Variants in DCP1B observed in about 807,000 individuals in gnomAD.
DCP1B encodes decapping mRNA 1B.
In DCP1B, 47 loss-of-function variants were observed where a neutral mutation model predicts 60.5. The ratio of observed to expected loss-of-function variants is 0.78; its 90% CI spans 0.61 to 0.99. The LOEUF (loss-of-function observed/expected upper bound fraction) is 0.99, where lower values mean the gene tolerates loss of function less well. Ranked by LOEUF, DCP1B falls within the 50% of genes least tolerant of loss-of-function variation. The pLI is 0.00. For missense variants in DCP1B, 725 were observed against 756.8 expected (o/e 0.96, Z 0.49); for synonymous variants, 267 against 280.3 (o/e 0.95, Z 0.47).
At chr12:1,986,611 G>A (rs552627437) in intron 3 of DCP1B, among the ~76,000 whole-genome samples, 7 of 152,042 alleles carry the variant, frequency 4.6e-5, no homozygotes, top group African/African-American at 1.7e-4. Flanking sequence ...TAAAAGGGAG[G>A]TAGGGAAAGA....
At chr12:1,947,605 A>G (rs2030485270) in intron 8 of DCP1B, among the ~76,000 whole-genome samples, 1 of 152,210 alleles carries the variant, frequency 6.6e-6, no homozygotes, top group African/African-American at 2.4e-5. Flanking sequence ...CAGAAAACAT[A>G]TGGATCTTTT....
intron 5 of DCP1B, among the ~76,000 whole-genome samples, chr12:1,964,470 G>T (rs2031228663): frequency 6.6e-6 from 1 of 151,866 alleles, no homozygotes; most frequent in Non-Finnish European, 1.5e-5. Flanking sequence ...TTGCTTTTGG[G>T]TTTTTAGGCA....
chr12:1,980,910 A>G (rs2035941563), intron 3 of DCP1B, among the ~76,000 whole-genome samples: 1 of 152,012 alleles, frequency 6.6e-6, no homozygotes, highest in Non-Finnish European at 1.5e-5. Flanking sequence ...AAATCACAAT[A>G]TCTCAATAAG....
chr12:2,002,198 C>T (rs2042330176), intron 1 of DCP1B, among the ~76,000 whole-genome samples: 1 of 152,202 alleles, frequency 6.6e-6, no homozygotes, highest in East Asian at 1.9e-4. Context: ...AATTCCCCTC[C>T]TTAAGATCCC....
At chr12:1,996,651 AAAAAC>A (rs2040948817) in intron 2 of DCP1B, among the ~76,000 whole-genome samples, 1 of 40,512 alleles carries the variant, frequency 2.5e-5, no homozygotes, top group African/African-American at 1.4e-4. Flanking sequence ...AAAAAAAAAA[AAAAAC>A]AACAAACTCT....
intron 5 of DCP1B, among the ~76,000 whole-genome samples, chr12:1,955,824 C>T (rs1183981224): frequency 6.6e-6 from 1 of 152,116 alleles, no homozygotes; most frequent in Admixed American, 6.5e-5. Context: ...TCTTAAGACA[C>T]CTGTATAATT....
At chr12:1,982,380 T>G (rs982199197) in intron 3 of DCP1B, among the ~76,000 whole-genome samples, 3 of 152,250 alleles carry the variant, frequency 2.0e-5, no homozygotes, top group Admixed American at 2.0e-4. Context: ...CTCCCCACTC[T>G]CCATTCCCTG....
At position 2,004,407 on chromosome 12, in the gene DCP1B, G is replaced by A. The variant is rs150430683; in HGVS notation, c.25C>T (p.Leu9=). The change falls in exon 1 of 9, where the codon CTG becomes TTG. Residue 9 remains leucine, a synonymous_variant. Coordinates refer to ENST00000280665, the MANE Select transcript of DCP1B (RefSeq NM_152640.5). ...CTGATGTCGCGCCCCTTTCCCACCA[G>A]GCCGCCTGCCGCCACGGCTGCCATC... is the stretch of plus-strand genomic sequence containing the variant. MAAVAAGG[L]VGKGRDISLA... is the part of the protein sequence containing the mutation. 659 of 1,611,354 alleles carry A rather than the reference G, an allele frequency of 4.1e-4. 1 individual carries two copies. The African/African-American group carries it at 7.7e-3, about 19-fold the overall frequency.
intron 3 of DCP1B, among the ~76,000 whole-genome samples, chr12:1,987,564 G>A (rs564533716): frequency 2.0e-5 from 3 of 152,104 alleles, no homozygotes; most frequent in South Asian, 2.1e-4. Context: ...TTACATCTAC[G>A]ACAGTTCTTT....
intron 7 of DCP1B, among the ~76,000 whole-genome samples, chr12:1,951,228 T>C (rs2030655936): frequency 6.6e-6 from 1 of 152,078 alleles, no homozygotes; most frequent in Admixed American, 6.5e-5. Flanking sequence ...TGAGCCGAGA[T>C]CGCACCATTG....
In DCP1B at chr12:1,984,725, C is replaced by T. The variant is rs1341452513; in HGVS notation, c.319+8539G>A. On this transcript the variant is annotated intron_variant, in intron 3 of 8. Transcript: ENST00000280665. The stretch of plus-strand genomic sequence containing the variant: ...TTCCAGCTTTCCCTTTGATATTATT[C>T]CTTCCAGCCTGAAGAATTTCTTTTA... 2.1e-5 allele frequency among the ~76,000 whole-genome samples: 3 copies of T among 145,136 alleles called. No individual in the cohort carries two copies. In the East Asian group the frequency reaches 6.0e-4, roughly 29 times the overall value.
At chr12:1,988,084 T>C (rs951893382) in intron 3 of DCP1B, among the ~76,000 whole-genome samples, 1 of 152,170 alleles carries the variant, frequency 6.6e-6, no homozygotes, top group South Asian at 2.1e-4. Flanking sequence ...CTCTGGGAGA[T>C]TCCCTTCTTC....
Position 1,953,001 on chromosome 12 carries a change from G to A in DCP1B, c.939C>T (p.Asn313=). Residue 313 remains asparagine (N), a synonymous_variant, in exon 7 of 9, where the codon AAC becomes AAT. Transcript: ENST00000280665. ...GGGTACTGCCATTTTCACAAGGCCG[G>A]TTTTCAGGCAGCTCTGACAATGGGT... ...DLHPLSELPE[N]RPCENGSTHS... is the part of the protein sequence containing the mutation. 6.2e-7 allele frequency: 1 copy of A among 1,614,126 alleles called. No homozygotes were observed. The highest frequency in any genetic ancestry group is 8.5e-7 in the Non-Finnish European group (1 of 1,179,992).
chr12:1,999,415 T>G (rs1227041696), intron 1 of DCP1B, among the ~76,000 whole-genome samples: 1 of 152,232 alleles, frequency 6.6e-6, no homozygotes, highest in African/African-American at 2.4e-5. Flanking sequence ...TATGAAATTA[T>G]AAATAAAGAA....
intron 8 of DCP1B, 105 bp from the exon 9 acceptor site, chr12:1,946,391 A>C: frequency 2.6e-6 from 2 of 767,380 alleles, no homozygotes; most frequent in South Asian, 4.7e-5. Flanking sequence ...TGAGACACTC[A>C]TCTCTCCCTG....
intron 3 of DCP1B, among the ~76,000 whole-genome samples, chr12:1,985,835 G>A (rs147010184): frequency 2.3e-4 from 35 of 151,536 alleles, no homozygotes; most frequent in East Asian, 1.6e-3. Flanking sequence ...TTTTTGAGAC[G>A]AGTCTCCCTC....
At chr12:2,004,050 T>A in intron 1 of DCP1B, 1 of 608,088 alleles carries the variant, frequency 1.6e-6, no homozygotes, top group Non-Finnish European at 2.9e-6. Context: ...CAGCGTTGGG[T>A]ACGTTAGAGA....
chr12:2,003,126 T>A (rs939592216), intron 1 of DCP1B, among the ~76,000 whole-genome samples: 2 of 152,218 alleles, frequency 1.3e-5, no homozygotes, highest in African/African-American at 4.8e-5. Context: ...TGGGCAAAAC[T>A]GTTTGTCTAC....
intron 5 of DCP1B, among the ~76,000 whole-genome samples, chr12:1,963,004 T>TCTCC (rs35034420): frequency 1.3e-5 from 2 of 152,210 alleles, no homozygotes; most frequent in Non-Finnish European, 2.9e-5. Flanking sequence ...TTCTACCTTG[T>TCTCC]CTCCCCTCAC....
Sources: gnomAD v4.1 joint callset for allele counts (sites outside exome capture counted in the v4.1 genomes callset) on GRCh38, gnomAD v4.1.1 for gene constraint, MANE v1.5 for transcripts, NCBI Gene and HGNC (gene_info 2026-07-23, HGNC 2026-07-21) for gene names.